Variants in NRG1 observed in about 807,000 individuals in gnomAD.
The protein encoded by NRG1 is pro-neuregulin-1, membrane-bound isoform.
A neutral mutation model predicts 63.8 loss-of-function variants in NRG1; 18 were observed. That is an observed-to-expected ratio of 0.28 (90% confidence interval 0.19 to 0.42). The LOEUF (loss-of-function observed/expected upper bound fraction) is 0.42. Among genes scored for constraint, NRG1 ranks in the 10% least tolerant of loss-of-function variants. The pLI is 1.00. For synonymous variants in NRG1, 302 were observed against 301.3 expected (o/e 1.00, Z -0.02); for missense variants, 762 against 814.7 (o/e 0.94, Z 0.79).
chr8:31,922,807 G>C (rs1352822624), intron 1 of NRG1, among the ~76,000 whole-genome samples: 3 of 152,278 alleles, frequency 2.0e-5, no homozygotes, highest in Admixed American at 6.5e-5. Flanking sequence ...TGTGCCAGGT[G>C]TTGGAAGATG....
intron 1 of NRG1, among the ~76,000 whole-genome samples, chr8:31,845,569 C>A (rs967396847): frequency 3.9e-5 from 6 of 151,988 alleles, no homozygotes; most frequent in Non-Finnish European, 8.8e-5. Flanking sequence ...TCTAGATCAG[C>A]AGAGGTGAAT....
chr8:31,981,882 A>G (rs998819121), intron 1 of NRG1, among the ~76,000 whole-genome samples: 5 of 152,050 alleles, frequency 3.3e-5, no homozygotes, highest in Non-Finnish European at 7.4e-5. Flanking sequence ...TTACCCAGTT[A>G]GTAGATGTGT....
At chr8:31,682,617 G>C (rs891732736) in intron 1 of NRG1, among the ~76,000 whole-genome samples, 6 of 151,864 alleles carry the variant, frequency 4.0e-5, no homozygotes. Flanking sequence ...CCAACTTTCC[G>C]TGTGCCTATA....
At chr8:32,691,021 C>G (rs1811487668) in intron 5 of NRG1, among the ~76,000 whole-genome samples, 1 of 150,324 alleles carries the variant, frequency 6.7e-6, no homozygotes, top group South Asian at 2.1e-4. Context: ...AAAAGACAAT[C>G]TATAAATTTC....
intron 1 of NRG1, among the ~76,000 whole-genome samples, chr8:32,085,016 A>C (rs1586988939): frequency 6.6e-6 from 1 of 152,218 alleles, no homozygotes; most frequent in African/African-American, 2.4e-5. Context: ...GACCTTTAGC[A>C]CAACAACTAC....
At position 32,471,418 on chromosome 8, in the gene NRG1, T is replaced by C. The variant is rs151161482; in HGVS notation, c.38-124410T>C. Among the ~76,000 whole-genome samples the C allele has an allele frequency of 2.3e-3, 351 of 152,316 alleles. 2 individuals are homozygous for C. Among genetic ancestry groups the C allele is most frequent in the African/African-American group, 8.3e-3 (343 of 41,572 alleles). ...TGTCACATTTACATTTTAGGTGGGT[T>C]GTTCTAATCGACTTTTCTTATAAAA... On this transcript the variant is annotated intron_variant, in intron 1 of 10. Coordinates refer to the NRG1 transcript ENST00000519301.
intron 1 of NRG1, among the ~76,000 whole-genome samples, chr8:32,259,095 C>T (rs1195117331): frequency 6.6e-6 from 1 of 152,112 alleles, no homozygotes; most frequent in Non-Finnish European, 1.5e-5. Flanking sequence ...AATCCGAATC[C>T]CTGCCAGTAA....
chr8:32,369,397 C>G (rs1808507073), intron 1 of NRG1, among the ~76,000 whole-genome samples: 1 of 152,192 alleles, frequency 6.6e-6, no homozygotes, highest in African/African-American at 2.4e-5. Context: ...TCTTCTTGTG[C>G]TTTTTCCAAA....
At chr8:31,944,912 C>T (rs999030100) in intron 1 of NRG1, among the ~76,000 whole-genome samples, 2 of 152,152 alleles carry the variant, frequency 1.3e-5, no homozygotes, top group Non-Finnish European at 2.9e-5. Flanking sequence ...AACCGCATTT[C>T]CCAATGTGTC....
At chr8:32,081,984 GGGCT>G (rs1827525392) in intron 1 of NRG1, among the ~76,000 whole-genome samples, 1 of 152,082 alleles carries the variant, frequency 6.6e-6, no homozygotes, top group Non-Finnish European at 1.5e-5. Flanking sequence ...GCAAGGTCTG[GGGCT>G]GGCTTTGACA....
intron 5 of NRG1, among the ~76,000 whole-genome samples, chr8:32,628,451 G>A (rs1171147885): frequency 2.6e-5 from 4 of 152,046 alleles, no homozygotes; most frequent in African/African-American, 9.7e-5. Flanking sequence ...CTATACAAAG[G>A]GTCCCTGGGT....
At chr8:32,617,010 G>T in intron 5 of NRG1, 125 bp downstream of exon 5, 2 of 704,544 alleles carry the variant, frequency 2.8e-6, no homozygotes, top group Non-Finnish European at 2.5e-6. Flanking sequence ...GGCAATAGGT[G>T]GTATTTGCTG....
At chr8:32,001,119 A>G (rs963274793) in intron 1 of NRG1, among the ~76,000 whole-genome samples, 10 of 152,036 alleles carry the variant, frequency 6.6e-5, no homozygotes, top group Non-Finnish European at 1.0e-4. Flanking sequence ...TAGATTTGTT[A>G]CAATAAGTGA....
At chr8:32,670,037 A>G (rs1805226737) in intron 5 of NRG1, among the ~76,000 whole-genome samples, 1 of 152,186 alleles carries the variant, frequency 6.6e-6, no homozygotes, top group African/African-American at 2.4e-5. Flanking sequence ...GTGCATTTTT[A>G]TGTCATTAAA....
chr8:31,740,102 T>C (rs2131394955), intron 1 of NRG1, among the ~76,000 whole-genome samples: 1 of 152,182 alleles, frequency 6.6e-6, no homozygotes. Flanking sequence ...CTGTTTTATG[T>C]TAAGTGTTTT....
intron 1 of NRG1, among the ~76,000 whole-genome samples, chr8:32,559,245 TAAA>T (rs545838945): frequency 6.2e-5 from 6 of 96,788 alleles, no homozygotes; most frequent in Admixed American, 1.3e-4. Context: ...CTCTAAAATG[TAAA>T]AAAAAAAAAA....
At chr8:32,243,449 A>G (rs544298623) in intron 1 of NRG1, among the ~76,000 whole-genome samples, 3 of 132,776 alleles carry the variant, frequency 2.3e-5, no homozygotes, top group Admixed American at 7.7e-5. Flanking sequence ...AAAAAAAAAA[A>G]GGGCATTAGT....
chr8:31,640,791 G>A lies in NRG1; in HGVS notation c.37+1360G>A, dbSNP rs371875030. The A allele has an allele frequency of 4.0e-5, 57 of 1,438,068 alleles. No homozygotes were observed. In the South Asian group the frequency reaches 7.8e-4, roughly 20 times the overall value. The allele number at this position is 1,438,068 out of a possible 1,614,324, so 89.1% of individuals were successfully genotyped here. ...GAGGAGGGCGCATCCCGGGCGCGCG[G>A]GCAGCGGGGCTCGACGGCCGCCCGA... is the stretch of plus-strand genomic sequence containing the variant. On this transcript the variant is annotated intron_variant, in intron 1 of 10. Coordinates refer to the NRG1 transcript ENST00000519301. This position sits in a 1 kb window ranked among gnomAD's most constrained non-coding sequence, Gnocchi z 6.3.
chr8:32,740,110 T>G (rs1035191663), intron 6 of NRG1, among the ~76,000 whole-genome samples: 3 of 152,088 alleles, frequency 2.0e-5, no homozygotes, highest in East Asian at 3.9e-4. Flanking sequence ...GTGTTTTTTC[T>G]TATATACGTT....
Sources: gnomAD v4.1 joint callset for allele counts (sites outside exome capture counted in the v4.1 genomes callset) on GRCh38, gnomAD v4.1.1 for gene constraint, Gnocchi (gnomAD v3.1) non-coding constraint, MANE v1.5 for transcripts, NCBI Gene and HGNC (gene_info 2026-07-23, HGNC 2026-07-21) for gene names.